Variants in NEO1 observed in about 807,000 individuals in gnomAD.
NEO1 encodes the protein neogenin 1.
NEO1 carries 63 observed loss-of-function variants against 159.7 expected under a neutral mutation model. The ratio of observed to expected loss-of-function variants is 0.39; its 90% CI spans 0.32 to 0.49. NEO1 has a LOEUF of 0.49. Among genes scored for constraint, NEO1 ranks in the 20% least tolerant of loss-of-function variants. NEO1 has a pLI of 0.85. For synonymous variants in NEO1, 633 were observed against 662.0 expected (o/e 0.96, Z 0.67); for missense variants, 1,615 against 1,831.0 (o/e 0.88, Z 2.15).
At chr15:73,293,593 G>C in intron 26 of NEO1, 45 bp downstream of exon 26, 3 of 1,572,268 alleles carry the variant, frequency 1.9e-6, no homozygotes, top group Non-Finnish European at 2.6e-6. Context: ...TTCCAAAAGA[G>C]TCGGCAAGCA....
intron 13 of NEO1, among the ~76,000 whole-genome samples, chr15:73,256,327 C>G (rs1229007019): frequency 6.6e-6 from 1 of 151,882 alleles, no homozygotes; most frequent in Non-Finnish European, 1.5e-5. Flanking sequence ...TGGTGAAACC[C>G]CGTCTCTACT....
At position 73,052,539 on chromosome 15, in the gene NEO1, G is replaced by A. The variant is rs943525249; in HGVS notation, c.-137G>A. On this transcript the variant is annotated 5_prime_UTR_variant, in exon 1 of 29. Coordinates refer to ENST00000261908, the MANE Select transcript of NEO1 (RefSeq NM_002499.4). ...CGAGAGGGGCTGCGCGGGCCGGGCC[G>A]GGCCGGGCTGGGCTGGAGCAGCGGC... The A allele has an allele frequency of 2.0e-5, 7 of 358,470 alleles. No homozygotes were observed. The highest frequency in any genetic ancestry group is 1.3e-4 in the African/African-American group (6 of 45,296). 22.2% of individuals were successfully genotyped at this position (358,470 alleles called of 1,614,324 possible).
chr15:73,110,646 T>C (rs532637107), intron 1 of NEO1, among the ~76,000 whole-genome samples: 38 of 152,304 alleles, frequency 2.5e-4, no homozygotes, highest in African/African-American at 8.9e-4. Flanking sequence ...AGGAATAGTC[T>C]ATCAAGAAGT....
chr15:73,249,847 AT>A (rs1335736259), intron 11 of NEO1, 126 bp downstream of exon 11: 10 of 1,106,058 alleles, frequency 9.0e-6, no homozygotes, highest in Middle Eastern at 2.1e-4. Context: ...TTCTGGTAAT[AT>A]GACTTTAGTC....
chr15:73,258,679 T>G, intron 13 of NEO1, 87 bp from the exon 14 acceptor site: 6 of 1,090,508 alleles, frequency 5.5e-6, no homozygotes, highest in African/African-American at 3.1e-5. Flanking sequence ...AGTTGGTGAC[T>G]GAGATGTTTG....
At chr15:73,191,122 G>A (rs1300207196) in intron 7 of NEO1, among the ~76,000 whole-genome samples, 3 of 152,118 alleles carry the variant, frequency 2.0e-5, no homozygotes, top group East Asian at 1.9e-4. Flanking sequence ...GTCATAACTC[G>A]TATAATGAAA....
At chr15:73,096,086 A>G (rs556946418) in intron 1 of NEO1, among the ~76,000 whole-genome samples, 7 of 152,364 alleles carry the variant, frequency 4.6e-5, no homozygotes, top group Middle Eastern at 3.4e-3. Context: ...TAGATAACTC[A>G]TTTTAAGAAG....
chr15:73,107,171 A>G (rs1413107528), intron 1 of NEO1, among the ~76,000 whole-genome samples: 1 of 152,192 alleles, frequency 6.6e-6, no homozygotes, highest in Admixed American at 6.5e-5. Context: ...TATCATTATG[A>G]TTTTTTAAAC....
At chr15:73,264,660 G>A (rs570733183) in intron 15 of NEO1, among the ~76,000 whole-genome samples, 4 of 152,258 alleles carry the variant, frequency 2.6e-5, no homozygotes, top group Admixed American at 6.5e-5. Context: ...GTGGAGAAAT[G>A]CAGTTAGCAA....
At position 73,274,717 on chromosome 15, in the gene NEO1, T is replaced by C. The variant is rs764097617; in HGVS notation, c.3186T>C (p.Asn1062=). 1.9e-6 allele frequency: 3 copies of C among 1,613,924 alleles called. No homozygotes were observed. Among genetic ancestry groups the C allele is most frequent in the Non-Finnish European group, 2.5e-6 (3 of 1,179,888 alleles). Residue 1062 remains asparagine (N), a synonymous_variant, in exon 21 of 29, where the codon AAT becomes AAC. Transcript: ENST00000261908. ...PKADSSDKMP[N]DQASGSGGKG... ...CGGACTCCTCTGATAAAATGCCTAA[T>C]GATCAAGGTAAATGAGTAGATGGCC...
chr15:73,275,992 T>C (rs11633469), intron 21 of NEO1, among the ~76,000 whole-genome samples: 64,814 of 152,130 alleles, frequency 0.43, 15,300 homozygotes, highest in Non-Finnish European at 0.53. Context: ...TTTGGAAATG[T>C]GTTTGCATTC....
At chr15:73,136,842 T>C (rs1371150844) in intron 5 of NEO1, among the ~76,000 whole-genome samples, 4 of 152,154 alleles carry the variant, frequency 2.6e-5, no homozygotes, top group Non-Finnish European at 5.9e-5. Flanking sequence ...TTTCTACCTC[T>C]TCTTCCCACC....
At position 73,236,775 on chromosome 15, in the gene NEO1, A is replaced by G. The variant is rs546853026; in HGVS notation, c.1451+269A>G. 1.4e-4 allele frequency among the ~76,000 whole-genome samples: 22 copies of G among 152,274 alleles called. No individual in the cohort carries two copies. In the South Asian group the frequency reaches 3.5e-3, roughly 24 times the overall value. ...ATGTAAGAAGGAGTGCCCTTTTTTCATAAGATTCAGTCAGTATAAATTCTA... is the reference window on the plus strand; with the variant it reads ...ATGTAAGAAGGAGTGCCCTTTTTTCGTAAGATTCAGTCAGTATAAATTCTA... On this transcript the variant is annotated intron_variant, in intron 8 of 28. Coordinates refer to ENST00000261908, the MANE Select transcript of NEO1 (RefSeq NM_002499.4).
intron 4 of NEO1, among the ~76,000 whole-genome samples, chr15:73,135,179 A>G (rs1175688006): frequency 1.3e-5 from 2 of 152,204 alleles, no homozygotes; most frequent in African/African-American, 2.4e-5. Context: ...TGATCAGAGT[A>G]TTGATTGTTC....
At chr15:73,199,473 A>T (rs1285848605) in intron 7 of NEO1, among the ~76,000 whole-genome samples, 1 of 152,120 alleles carries the variant, frequency 6.6e-6, no homozygotes, top group Non-Finnish European at 1.5e-5. Flanking sequence ...TGGGCTAAGT[A>T]TTTACATAGA....
chr15:73,285,151 G>T (rs1371378953), intron 23 of NEO1, among the ~76,000 whole-genome samples: 1 of 151,860 alleles, frequency 6.6e-6, no homozygotes, highest in Non-Finnish European at 1.5e-5. Context: ...ACAGGATTTT[G>T]GTCTGTCACC....
intron 1 of NEO1, among the ~76,000 whole-genome samples, chr15:73,114,390 G>T (rs1189251892): frequency 6.6e-6 from 1 of 152,146 alleles, no homozygotes; most frequent in Non-Finnish European, 1.5e-5. Flanking sequence ...GTGAAGAGAG[G>T]ATATCTTAGG....
In NEO1 at chr15:73,244,568, C is replaced by T. The variant is rs571919637; in HGVS notation, c.1606+70C>T. On this transcript the variant is annotated intron_variant, in intron 9 of 28. Transcript: ENST00000261908. ...CTCTGAAGTTCTACCTTTGTTTAGCCTTGCACACCATAGGGGAGCAGAAGA... is the reference window on the plus strand; with the variant it reads ...CTCTGAAGTTCTACCTTTGTTTAGCTTTGCACACCATAGGGGAGCAGAAGA... The T allele has an allele frequency of 2.2e-4, 342 of 1,528,312 alleles. 1 individual carries two copies. The South Asian group carries it at 4.0e-3, about 18-fold the overall frequency. The allele number at this position is 1,528,312 out of a possible 1,614,324, so 94.7% of individuals were successfully genotyped here.
intron 6 of NEO1, among the ~76,000 whole-genome samples, chr15:73,176,811 A>G (rs973889622): frequency 6.6e-6 from 1 of 152,188 alleles, no homozygotes; most frequent in Non-Finnish European, 1.5e-5. Flanking sequence ...ACTTGAACAC[A>G]CTGGCACTCT....
Sources: allele counts gnomAD v4.1 joint callset (sites outside exome capture counted in the v4.1 genomes callset), GRCh38; gene constraint gnomAD v4.1.1; transcripts MANE v1.5; gene names NCBI Gene and HGNC (gene_info 2026-07-23, HGNC 2026-07-21).